The following CUX2 variants were observed in gnomAD, a reference collection of about 807,000 sequenced individuals.
The protein encoded by CUX2 is cut like homeobox 2.
In CUX2, 40 loss-of-function variants were observed where a neutral mutation model predicts 144.8. The ratio of observed to expected loss-of-function variants is 0.28; its 90% confidence interval spans 0.21 to 0.36. The LOEUF (loss-of-function observed/expected upper bound fraction) is 0.36. CUX2 is among the 10% of genes least tolerant of loss of function. The pLI is 1.00. For missense variants in CUX2, 1,615 were observed against 1,994.0 expected (o/e 0.81, Z 3.62); for synonymous variants, 827 against 875.6 (o/e 0.94, Z 0.98).
At chr12:111,046,352 C>T (rs1167739975) in intron 1 of CUX2, among the ~76,000 whole-genome samples, 1 of 152,234 alleles carries the variant, frequency 6.6e-6, no homozygotes, top group African/African-American at 2.4e-5. Context: ...AGCCAGTGTT[C>T]ACAGCCCTTT....
At chr12:111,117,070 T>A (rs1283143508) in intron 1 of CUX2, among the ~76,000 whole-genome samples, 1 of 152,236 alleles carries the variant, frequency 6.6e-6, no homozygotes, top group Non-Finnish European at 1.5e-5. Context: ...TAGAGGCATA[T>A]GATCTAGGTT....
chr12:111,138,616 CTTGA>C (rs1876083897), intron 1 of CUX2, among the ~76,000 whole-genome samples: 1 of 152,082 alleles, frequency 6.6e-6, no homozygotes, highest in Non-Finnish European at 1.5e-5. Context: ...TACCACCCTT[CTTGA>C]TTGAATGCTA....
chr12:111,211,628 G>A (rs1478712588), intron 1 of CUX2, among the ~76,000 whole-genome samples: 1 of 152,170 alleles, frequency 6.6e-6, no homozygotes, highest in Non-Finnish European at 1.5e-5. Flanking sequence ...GCTCACGCCT[G>A]TAATCCCAGA....
chr12:111,272,081 G>GT (rs888145113), intron 4 of CUX2, among the ~76,000 whole-genome samples: 6 of 152,162 alleles, frequency 3.9e-5, no homozygotes, highest in Non-Finnish European at 8.8e-5. Flanking sequence ...GGTATAAGGA[G>GT]TTTTTTTAGT....
At chr12:111,120,671 GAAA>G (rs112911297) in intron 1 of CUX2, among the ~76,000 whole-genome samples, 2 of 124,416 alleles carry the variant, frequency 1.6e-5, no homozygotes, top group African/African-American at 5.7e-5. Flanking sequence ...TAACCACAAG[GAAA>G]AAAAAAAAAA....
chr12:111,133,039 A>G (rs1875606917), intron 1 of CUX2, among the ~76,000 whole-genome samples: 1 of 152,206 alleles, frequency 6.6e-6, no homozygotes, highest in African/African-American at 2.4e-5. Flanking sequence ...CTAAAACATA[A>G]CAAACCTTTG....
chr12:111,310,456 C>T lies in CUX2; in HGVS notation c.1674C>T (p.Ile558=), dbSNP rs776975479. The stretch of plus-strand genomic sequence containing the variant: ...AGGAGCAGCTGGACACGGCAGAGAT[C>T]GCCTTCCAGGTGAAGGAGCAGCTGC... ...AEEEQLDTAE[I]AFQVKEQLLK... The change falls in exon 15 of 22, where the codon ATC becomes ATT. Residue 558 remains isoleucine (I), a synonymous_variant. Transcript: ENST00000261726. The surrounding 1 kb of genome is among the most constrained non-coding windows in gnomAD (Gnocchi z 7.9). 15 of 1,613,356 alleles carry T rather than the reference C, an allele frequency of 9.3e-6. No individual in the cohort carries two copies. The highest frequency in any genetic ancestry group is 2.2e-5 in the East Asian group (1 of 44,890).
chr12:111,189,841 C>G (rs1879770573), intron 1 of CUX2, among the ~76,000 whole-genome samples: 1 of 152,124 alleles, frequency 6.6e-6, no homozygotes, highest in South Asian at 2.1e-4. Context: ...ACATATTTCT[C>G]TGGGGTAGGT....
At chr12:111,181,606 C>T (rs779577716) in intron 1 of CUX2, among the ~76,000 whole-genome samples, 1 of 152,232 alleles carries the variant, frequency 6.6e-6, no homozygotes, top group Non-Finnish European at 1.5e-5. Flanking sequence ...ACTGCCCGAG[C>T]CGGCGAGGGC....
intron 4 of CUX2, among the ~76,000 whole-genome samples, chr12:111,272,606 A>C (rs1884687098): frequency 6.6e-6 from 1 of 152,164 alleles, no homozygotes; most frequent in Non-Finnish European, 1.5e-5. Flanking sequence ...CTGGGATTAC[A>C]GGCACATGCC....
Position 111,348,148 on chromosome 12 carries a change from C to G in CUX2, c.4284C>G (p.Pro1428=), listed in dbSNP as rs201395094. The change falls in exon 22 of 22, where the codon CCC becomes CCG. Residue 1428 remains proline, a synonymous_variant. Transcript: ENST00000261726. ...APISPSPPGA[P]PAKVPSASPT... ...TCTCCCCATCCCCACCTGGCGCCCC[C>G]CCTGCCAAAGTGCCGAGTGCCAGCC... 3 of 1,614,122 alleles carry G rather than the reference C, an allele frequency of 1.9e-6. No individual in the cohort carries two copies. The highest frequency in any genetic ancestry group is 2.2e-5 in the South Asian group (2 of 91,080).
At chr12:111,127,451 G>A (rs1291896713) in intron 1 of CUX2, among the ~76,000 whole-genome samples, 2 of 152,178 alleles carry the variant, frequency 1.3e-5, no homozygotes, top group Non-Finnish European at 2.9e-5. Flanking sequence ...TAGTTGTCCA[G>A]TGACCCTCTG....
At chr12:111,086,552 C>T (rs959110758) in intron 1 of CUX2, among the ~76,000 whole-genome samples, 1 of 152,188 alleles carries the variant, frequency 6.6e-6, no homozygotes, top group East Asian at 1.9e-4. Context: ...AGACACTTAA[C>T]ATCACAGAGC....
At chr12:111,174,501 A>T (rs888627224) in intron 1 of CUX2, among the ~76,000 whole-genome samples, 1 of 152,236 alleles carries the variant, frequency 6.6e-6, no homozygotes, top group Non-Finnish European at 1.5e-5. Flanking sequence ...TGCAGCCCCT[A>T]GTTGGATACA....
intron 1 of CUX2, among the ~76,000 whole-genome samples, chr12:111,140,233 G>A (rs1412173442): frequency 2.0e-5 from 3 of 152,142 alleles, no homozygotes; most frequent in Admixed American, 1.3e-4. Flanking sequence ...ACAACTTTCT[G>A]AGGACCCCTG....
chr12:111,170,634 A>T (rs1878465118), intron 1 of CUX2, among the ~76,000 whole-genome samples: 1 of 143,712 alleles, frequency 7.0e-6, no homozygotes, highest in Non-Finnish European at 1.5e-5. Flanking sequence ...GCTCACTGCA[A>T]CCCCTGCCTC....
In CUX2 at chr12:111,279,712, G is replaced by A. The variant is rs1424263399; in HGVS notation, c.302-11706G>A. Among the ~76,000 whole-genome samples the A allele has an allele frequency of 4.6e-5, 7 of 152,180 alleles. 1 individual carries two copies. The highest frequency in any genetic ancestry group is 2.6e-4 in the Admixed American group (4 of 15,290). ...CAAAAATAAACAAGGAGCTGGGCTC[G>A]GTGGCTCATGCCTGTAATCCCAGCA... On this transcript the variant is annotated intron_variant, in intron 4 of 21. Coordinates refer to ENST00000261726, the MANE Select transcript of CUX2 (RefSeq NM_015267.4).
chr12:111,056,522 T>C (rs1373337236), intron 1 of CUX2, among the ~76,000 whole-genome samples: 1 of 152,262 alleles, frequency 6.6e-6, no homozygotes, highest in Non-Finnish European at 1.5e-5. Flanking sequence ...TGTTCTCCTT[T>C]GGGCTTCCTC....
At chr12:111,191,044 G>C (rs1234336381) in intron 1 of CUX2, among the ~76,000 whole-genome samples, 1 of 152,168 alleles carries the variant, frequency 6.6e-6, no homozygotes, top group Non-Finnish European at 1.5e-5. Context: ...AAACAGTAGA[G>C]GGGCAAAACT....
Sources: allele counts gnomAD v4.1 joint callset (sites outside exome capture counted in the v4.1 genomes callset), GRCh38; gene constraint gnomAD v4.1.1; non-coding constraint Gnocchi (gnomAD v3.1); transcripts MANE v1.5; gene names NCBI Gene and HGNC (gene_info 2026-07-23, HGNC 2026-07-21).